The following PTPRD variants were observed in gnomAD, a reference collection of about 807,000 sequenced individuals.
The protein encoded by PTPRD is receptor-type tyrosine-protein phosphatase delta.
PTPRD carries 34 observed loss-of-function variants against 214.5 expected under a neutral mutation model. That is an observed-to-expected ratio of 0.16 (90% CI 0.12 to 0.21). The LOEUF is 0.21. Ranked by LOEUF, PTPRD falls within the 10% of genes least tolerant of loss-of-function variation. PTPRD has a pLI of 1.00. For missense variants in PTPRD, 2,545 were observed against 2,398.7 expected (o/e 1.06, Z -1.27); for synonymous variants, 1,128 against 845.7 (o/e 1.33, Z -5.79).
chr9:9,294,696 CT>C (rs1385677155), intron 9 of PTPRD, among the ~76,000 whole-genome samples: 2 of 151,580 alleles, frequency 1.3e-5, no homozygotes, highest in African/African-American at 4.8e-5. Flanking sequence ...TGAAACTTAC[CT>C]TGCTGACACC....
chr9:10,181,688 G>C (rs1315136866), intron 3 of PTPRD, among the ~76,000 whole-genome samples: 2 of 151,524 alleles, frequency 1.3e-5, no homozygotes, highest in Non-Finnish European at 2.9e-5. Context: ...AAATGGAGTA[G>C]CATAAGTGAT....
chr9:10,183,537 CAG>C (rs898595592), intron 3 of PTPRD, among the ~76,000 whole-genome samples: 9 of 152,006 alleles, frequency 5.9e-5, no homozygotes, highest in African/African-American at 1.9e-4. Context: ...TTAAAAGAGA[CAG>C]AGAGAATATG....
At chr9:9,362,078 G>C (rs969555351) in intron 9 of PTPRD, among the ~76,000 whole-genome samples, 1 of 151,110 alleles carries the variant, frequency 6.6e-6, no homozygotes, top group East Asian at 2.0e-4. Context: ...AGATCGAGTG[G>C]AATTAAACTT....
At chr9:8,917,282 C>T (rs180976235) in intron 11 of PTPRD, among the ~76,000 whole-genome samples, 2 of 134,410 alleles carry the variant, frequency 1.5e-5, no homozygotes, top group Admixed American at 1.6e-4. Flanking sequence ...GTGCCCACCA[C>T]CAGCCCAGCT....
intron 8 of PTPRD, among the ~76,000 whole-genome samples, chr9:9,439,626 G>A (rs1004973647): frequency 3.3e-5 from 5 of 152,198 alleles, no homozygotes; most frequent in Admixed American, 6.5e-5. Flanking sequence ...GCCAAGAAAA[G>A]TGAACTGTTC....
rs771268614 is a variant in PTPRD at position 10,177,895 on chromosome 9, G to C, written c.-544-144105C>G. ...CCACTTCCTTTTATAATTAAAAAAA[G>C]ATTATCTACATCAAATATAAGGTAC... On this transcript the variant is annotated intron_variant, in intron 3 of 45. Coordinates refer to ENST00000381196, the MANE Select transcript of PTPRD (RefSeq NM_002839.4). 9.2e-5 allele frequency among the ~76,000 whole-genome samples: 14 copies of C among 151,988 alleles called. No individual in the cohort carries two copies. The East Asian group carries it at 1.5e-3, about 17-fold the overall frequency.
At chr9:10,128,533 T>C (rs1206028355) in intron 3 of PTPRD, among the ~76,000 whole-genome samples, 1 of 152,166 alleles carries the variant, frequency 6.6e-6, no homozygotes, top group Non-Finnish European at 1.5e-5. Flanking sequence ...AAGCCAATCC[T>C]GCTGACATTT....
Position 10,003,984 on chromosome 9 carries a change from A to C in PTPRD, c.-472+29734T>G, listed in dbSNP as rs2154097139. Among the ~76,000 whole-genome samples the C allele has an allele frequency of 1.3e-5, 2 of 152,030 alleles. 1 individual carries two copies. Among genetic ancestry groups the C allele is most frequent in the South Asian group, 4.1e-4 (2 of 4,830 alleles). The stretch of plus-strand genomic sequence containing the variant: ...GCTCTCTACAAATAAGAGGAAAAAA[A>C]GATTGGAATTGAGAAACTTCAAAGG... On this transcript the variant is annotated intron_variant, in intron 4 of 45. Transcript: ENST00000381196.
chr9:10,286,247 C>G (rs1366293030), intron 3 of PTPRD, among the ~76,000 whole-genome samples: 1 of 151,972 alleles, frequency 6.6e-6, no homozygotes, highest in East Asian at 1.9e-4. Flanking sequence ...GATGTCCCAG[C>G]CTGTGCAACA....
chr9:9,551,630 C>A (rs988636356), intron 8 of PTPRD, among the ~76,000 whole-genome samples: 2 of 151,928 alleles, frequency 1.3e-5, no homozygotes, highest in African/African-American at 4.8e-5. Flanking sequence ...TCAGTACATC[C>A]TTTGTTCTTC....
chr9:8,422,150 A>AT (rs2094411903), intron 35 of PTPRD, among the ~76,000 whole-genome samples: 1 of 145,828 alleles, frequency 6.9e-6, no homozygotes, highest in Non-Finnish European at 1.5e-5. Context: ...CTGTCTCCAA[A>AT]AAAAAAAAAA....
intron 2 of PTPRD, among the ~76,000 whole-genome samples, chr9:10,440,607 C>T (rs764666345): frequency 1.3e-4 from 20 of 151,606 alleles, no homozygotes; most frequent in Admixed American, 1.3e-4. Flanking sequence ...AAATCAGGAA[C>T]CACAGCAAAA....
At chr9:9,599,629 A>G in intron 7 of PTPRD, among the ~76,000 whole-genome samples, 1 of 150,986 alleles carries the variant, frequency 6.6e-6, no homozygotes, top group Non-Finnish European at 1.5e-5. Flanking sequence ...ATTTCCACAA[A>G]TTTATCTTCT....
At chr9:9,302,009 G>A (rs559352259) in intron 9 of PTPRD, among the ~76,000 whole-genome samples, 3 of 152,046 alleles carry the variant, frequency 2.0e-5, no homozygotes, top group South Asian at 4.1e-4. Flanking sequence ...TGCCGTGGCT[G>A]TAATTCAAAA....
chr9:9,254,291 A>G (rs927818044), intron 9 of PTPRD, among the ~76,000 whole-genome samples: 1 of 151,976 alleles, frequency 6.6e-6, no homozygotes, highest in African/African-American at 2.4e-5. Flanking sequence ...GTAAGTCTAT[A>G]TATTTTCTAT....
chr9:8,412,057 A>G (rs1470169481), intron 35 of PTPRD, among the ~76,000 whole-genome samples: 1 of 152,214 alleles, frequency 6.6e-6, no homozygotes, highest in Admixed American at 6.5e-5. Flanking sequence ...ACGATGACTT[A>G]TAAGAAGAAG....
chr9:9,461,081 A>G (rs2093612086), intron 8 of PTPRD, among the ~76,000 whole-genome samples: 3 of 152,020 alleles, frequency 2.0e-5, no homozygotes, highest in African/African-American at 4.8e-5. Context: ...AGAAAATTAA[A>G]CACTATATAT....
Position 8,636,005 on chromosome 9 carries a change from T to G in PTPRD, c.210+694A>C, listed in dbSNP as rs114127725. On this transcript the variant is annotated intron_variant, in intron 13 of 45. Coordinates refer to ENST00000381196, the MANE Select transcript of PTPRD (RefSeq NM_002839.4). ...GAATAAAGAAAACCAACTTCTTCGA[T>G]AGGTTTCTCTGCAATATCAACCTGT... 9.4e-3 allele frequency among the ~76,000 whole-genome samples: 1,438 copies of G among 152,322 alleles called. 16 individuals are homozygous for G. The highest frequency in any genetic ancestry group is 0.033 in the African/African-American group (1,361 of 41,578).
intron 3 of PTPRD, among the ~76,000 whole-genome samples, chr9:10,217,494 T>C (rs2154346389): frequency 6.6e-6 from 1 of 152,014 alleles, no homozygotes; most frequent in East Asian, 1.9e-4. Flanking sequence ...CTCAGCATAG[T>C]ACACATTTAA....
Sources: allele counts gnomAD v4.1 joint callset (sites outside exome capture counted in the v4.1 genomes callset), GRCh38; gene constraint gnomAD v4.1.1; transcripts MANE v1.5; gene names NCBI Gene and HGNC (gene_info 2026-07-23, HGNC 2026-07-21).